Variants in PLEKHB2 observed in about 807,000 individuals in gnomAD.
The protein encoded by PLEKHB2 is pleckstrin homology domain-containing family B member 2.
In PLEKHB2, 31 loss-of-function variants were observed where a neutral mutation model predicts 36.5. The ratio of observed to expected loss-of-function variants is 0.85; its 90% confidence interval spans 0.64 to 1.15. The LOEUF is 1.15. Ranked by LOEUF, PLEKHB2 falls within the 50% of genes most tolerant of loss-of-function variation. The probability of loss-of-function intolerance (pLI) is 0.00; values close to 1 mark genes in which losing one functional copy is unlikely to be tolerated. For missense variants in PLEKHB2, 262 were observed against 295.3 expected (o/e 0.89, Z 0.83); for synonymous variants, 119 against 112.0 (o/e 1.06, Z -0.39).
intron 1 of PLEKHB2, chr2:131,118,925 A>G (rs1336037060): frequency 7.0e-6 from 1 of 143,088 alleles, no homozygotes; most frequent in Non-Finnish European, 1.5e-5. Flanking sequence ...AAAGTGGCCC[A>G]TGGTCTCAGC....
intron 7 of PLEKHB2, among the ~76,000 whole-genome samples, chr2:131,141,996 C>T (rs886834199): frequency 6.6e-6 from 1 of 152,186 alleles, no homozygotes; most frequent in African/African-American, 2.4e-5. Flanking sequence ...TGGCTGGACC[C>T]TCTCCCAGCA....
At chr2:131,140,881 G>A (rs960898299) in intron 7 of PLEKHB2, among the ~76,000 whole-genome samples, 2 of 152,202 alleles carry the variant, frequency 1.3e-5, no homozygotes, top group Non-Finnish European at 2.9e-5. Context: ...AGCTGTGGCC[G>A]ATGGCCACTG....
chr2:131,128,274 C>A (rs6430581), intron 4 of PLEKHB2, among the ~76,000 whole-genome samples: 24,744 of 152,088 alleles, frequency 0.16, 2,288 homozygotes, highest in African/African-American at 0.26. Context: ...GATATCACTT[C>A]CCATGTTAAA....
intron 2 of PLEKHB2, among the ~76,000 whole-genome samples, chr2:131,122,345 A>C (rs1223548566): frequency 6.6e-6 from 1 of 152,228 alleles, no homozygotes; most frequent in Admixed American, 6.5e-5. Context: ...TCTAGTCAAA[A>C]ACTGAGCTGT....
At chr2:131,140,584 G>A (rs2104961779) in intron 7 of PLEKHB2, among the ~76,000 whole-genome samples, 1 of 152,348 alleles carries the variant, frequency 6.6e-6, no homozygotes, top group East Asian at 1.9e-4. Flanking sequence ...TTTAAGGGAT[G>A]AGAGGTGACC....
intron 5 of PLEKHB2, among the ~76,000 whole-genome samples, chr2:131,131,376 C>T (rs114562555): frequency 0.02 from 3,075 of 152,266 alleles, 112 homozygotes; most frequent in African/African-American, 0.07. Flanking sequence ...ATCCTTTTCA[C>T]GCATGGGAGC....
chr2:131,110,397 G>A (rs945395441), intron 1 of PLEKHB2, among the ~76,000 whole-genome samples: 12 of 149,048 alleles, frequency 8.1e-5, no homozygotes, highest in East Asian at 4.0e-4. Flanking sequence ...GTTGAAGACC[G>A]AATCCTACTC....
At chr2:131,146,581 G>C in intron 7 of PLEKHB2, 56 bp from the exon 8 acceptor site, 2 of 1,546,290 alleles carry the variant, frequency 1.3e-6, no homozygotes, top group Admixed American at 3.7e-5. Context: ...TACTTTGCGT[G>C]ATGTTAAACT....
chr2:131,126,355 A>G (rs1416046224), intron 3 of PLEKHB2, among the ~76,000 whole-genome samples: 1 of 152,150 alleles, frequency 6.6e-6, no homozygotes, highest in Admixed American at 6.5e-5. Context: ...GTGAAACCCC[A>G]ACTCTACTAA....
intron 5 of PLEKHB2, among the ~76,000 whole-genome samples, chr2:131,131,834 T>A (rs1022722001): frequency 6.6e-6 from 1 of 151,456 alleles, no homozygotes; most frequent in Admixed American, 6.6e-5. Context: ...AATGATTCTT[T>A]GTGTGGATTT....
intron 1 of PLEKHB2, among the ~76,000 whole-genome samples, chr2:131,108,871 ACATAT>A (rs1164881297): frequency 1.3e-5 from 2 of 152,236 alleles, no homozygotes; most frequent in Non-Finnish European, 2.9e-5. Context: ...CCAACTACTT[ACATAT>A]TATTTCACCC....
rs768096005 is a variant in PLEKHB2, at chr2:131,132,947, T to A, written c.379T>A (p.Ser127Thr). ...CATGACCGATGAGACATCCGTGGTT[T>A]CCTCACCTCCACCATACACGGCCTA... is the stretch of plus-strand genomic sequence containing the variant. ...AVMTDETSVV[S>T]SPPPYTAYAA... is the part of the protein sequence containing the mutation. Residue 127 changes from serine (S) to threonine (T), a missense_variant, in exon 6 of 8, where the codon TCC becomes ACC. Coordinates refer to ENST00000693505, the MANE Select transcript of PLEKHB2 (RefSeq NM_001100623.2). 8 of 1,614,040 alleles carry A rather than the reference T, an allele frequency of 5.0e-6. No individual in the cohort carries two copies. The highest frequency in any genetic ancestry group is 6.8e-6 in the Non-Finnish European group (8 of 1,179,896).
chr2:131,125,373 A>C (rs1422920174), intron 2 of PLEKHB2, among the ~76,000 whole-genome samples: 3 of 152,218 alleles, frequency 2.0e-5, no homozygotes, highest in Non-Finnish European at 4.4e-5. Context: ...CAGCCTGTTA[A>C]AGCACCAGTT....
chr2:131,149,258 C>T lies in PLEKHB2; in HGVS notation c.*2485C>T, dbSNP rs184880343. 2 of 152,202 alleles carry T rather than the reference C, an allele frequency of 1.3e-5. No homozygotes were observed. Among genetic ancestry groups the T allele is most frequent in the African/African-American group, 2.4e-5 (1 of 41,432 alleles). 9.4% of individuals were successfully genotyped at this position (152,202 alleles called of 1,614,324 possible). On this transcript the variant is annotated 3_prime_UTR_variant, in exon 8 of 8. Transcript: ENST00000693505. ...CAATGTTTTGATAGCCTCAGTTTCT[C>T]AACGATGTCTTTTGTTTACAGTGCT...
At chr2:131,120,680 G>C (rs1696411681) in intron 1 of PLEKHB2, 7 of 552,658 alleles carry the variant, frequency 1.3e-5, no homozygotes, top group Non-Finnish European at 2.0e-5. Flanking sequence ...TGTTTGTTGA[G>C]TGGTGTTAGA....
intron 6 of PLEKHB2, 117 bp from the exon 7 acceptor site, chr2:131,140,050 T>C (rs1698627676): frequency 1.4e-5 from 9 of 623,934 alleles, no homozygotes; most frequent in Non-Finnish European, 2.3e-5. Context: ...TTTCATGTTT[T>C]GTTTTGTTTT....
Position 131,108,412 on chromosome 2 carries a change from G to A in PLEKHB2, c.-9+3014G>A, listed in dbSNP as rs75293728. On this transcript the variant is annotated intron_variant, in intron 1 of 7. Coordinates refer to ENST00000693505, the MANE Select transcript of PLEKHB2 (RefSeq NM_001100623.2). ...AGTTTATGCATTCAGTTTTGCTCCA[G>A]GATATAAATAGTGAAATGTTGAATT... Among the ~76,000 whole-genome samples, 920 of 152,234 alleles carry A rather than the reference G, an allele frequency of 6.0e-3. 35 individuals are homozygous for A. Among genetic ancestry groups the A allele is most frequent in the Admixed American group, 0.049 (752 of 15,274 alleles).
rs1482468755 is a variant in PLEKHB2, at chr2:131,105,349, CAGGCGAGG to C, written c.-56_-49del. On this transcript the variant is annotated 5_prime_UTR_variant, in exon 1 of 8. Coordinates refer to ENST00000693505, the MANE Select transcript of PLEKHB2 (RefSeq NM_001100623.2). ...CGGACGTGCGGCAGTTGCAGGCGAG[CAGGCGAGG>C]AATCGCCGTGGCGTCTTGGTGTTCT... The C allele has an allele frequency of 6.6e-6, 1 of 152,202 alleles. No homozygotes were observed. Among genetic ancestry groups the C allele is most frequent in the Non-Finnish European group, 1.5e-5 (1 of 68,062 alleles). The allele number at this position is 152,202 out of a possible 1,614,324, so 9.4% of individuals were successfully genotyped here.
At chr2:131,125,998 T>C (rs1336173641) in intron 3 of PLEKHB2, 93 bp downstream of exon 3, 6 of 1,270,126 alleles carry the variant, frequency 4.7e-6, no homozygotes, top group Non-Finnish European at 5.5e-6. Flanking sequence ...CTGCTTTCAT[T>C]AACAGATTGA....
Sources: gnomAD v4.1 joint callset for allele counts (sites outside exome capture counted in the v4.1 genomes callset) on GRCh38, gnomAD v4.1.1 for gene constraint, MANE v1.5 for transcripts, NCBI Gene and HGNC (gene_info 2026-07-23, HGNC 2026-07-21) for gene names.